MYOF: variants seen among roughly 807,000 people sequenced by gnomAD.
MYOF encodes fer-1-like 3, myoferlin.
Under a neutral mutation model 284.2 loss-of-function variants are expected in MYOF, and 244 were observed. The ratio of observed to expected loss-of-function variants is 0.86; its 90% CI spans 0.77 to 0.95. The LOEUF (loss-of-function observed/expected upper bound fraction) is 0.95. Ranked by LOEUF, MYOF falls within the 40% of genes least tolerant of loss-of-function variation. The pLI, the probability that MYOF is intolerant of heterozygous loss-of-function variation, is 0.00. For synonymous variants in MYOF, 904 were observed against 919.7 expected (o/e 0.98, Z 0.31); for missense variants, 2,496 against 2,560.6 (o/e 0.97, Z 0.54).
chr10:93,307,175 G>A (rs781728219), intron 53 of MYOF, among the ~76,000 whole-genome samples, 174 bp from the exon 54 acceptor site: 17 of 141,250 alleles, frequency 1.2e-4, no homozygotes, highest in African/African-American at 2.8e-4. Flanking sequence ...TCTACCCACC[G>A]AGTGCCAGTA....
chr10:93,333,700 G>GTGGCTGA (rs1463432453), intron 42 of MYOF, 58 bp downstream of exon 42: 2 of 1,585,002 alleles, frequency 1.3e-6, no homozygotes, highest in African/African-American at 2.7e-5. Flanking sequence ...GACAATTATT[G>GTGGCTGA]TGGCTGATGA....
chr10:93,373,273 G>A (rs1483177320), intron 23 of MYOF, among the ~76,000 whole-genome samples, 188 bp from the exon 24 acceptor site: 3 of 152,168 alleles, frequency 2.0e-5, no homozygotes, highest in Admixed American at 6.5e-5. Context: ...GGGCTGGGAG[G>A]CAGACTGTGG....
intron 51 of MYOF, 61 bp downstream of exon 51, chr10:93,312,959 G>A: frequency 6.6e-7 from 1 of 1,507,142 alleles, no homozygotes; most frequent in Non-Finnish European, 8.9e-7. Flanking sequence ...TGGATAAAGG[G>A]CAAAACCTAA....
At chr10:93,440,838 C>T (rs2056227294) in intron 3 of MYOF, among the ~76,000 whole-genome samples, 1 of 152,164 alleles carries the variant, frequency 6.6e-6, no homozygotes, top group Admixed American at 6.5e-5. Context: ...GTATCTTTCT[C>T]CAGGGCTGTG....
At chr10:93,461,266 G>C (rs751828665) in intron 1 of MYOF, among the ~76,000 whole-genome samples, 19 of 152,220 alleles carry the variant, frequency 1.2e-4, no homozygotes, top group Non-Finnish European at 4.4e-5. Flanking sequence ...CACTGAGTGA[G>C]TTCTTCCGCA....
At chr10:93,441,856 C>T (rs1207436979) in intron 3 of MYOF, among the ~76,000 whole-genome samples, 2 of 152,100 alleles carry the variant, frequency 1.3e-5, no homozygotes, top group South Asian at 2.1e-4. Context: ...AGTCACCGTG[C>T]CCGGCCGAGA....
intron 5 of MYOF, among the ~76,000 whole-genome samples, chr10:93,420,661 A>G (rs1589540589): frequency 6.6e-6 from 1 of 152,240 alleles, no homozygotes; most frequent in East Asian, 1.9e-4. Context: ...TCTCCTCTGC[A>G]GGAGCCACTA....
chr10:93,465,390 T>C (rs1026674625), intron 1 of MYOF, among the ~76,000 whole-genome samples: 3 of 152,146 alleles, frequency 2.0e-5, no homozygotes, highest in African/African-American at 7.2e-5. Context: ...CATATAAGTG[T>C]GATTACTAGG....
chr10:93,383,955 C>T (rs1296959511), intron 19 of MYOF, among the ~76,000 whole-genome samples: 1 of 152,200 alleles, frequency 6.6e-6, no homozygotes, highest in Non-Finnish European at 1.5e-5. Context: ...TGCTCTCACG[C>T]AGAGCTTGCA....
At chr10:93,368,763 C>T (rs1175136249) in intron 25 of MYOF, among the ~76,000 whole-genome samples, 5 of 152,154 alleles carry the variant, frequency 3.3e-5, no homozygotes, top group Admixed American at 6.5e-5. Context: ...CAATCCTGAA[C>T]CAGTTGTCAG....
intron 25 of MYOF, among the ~76,000 whole-genome samples, chr10:93,367,114 G>T (rs1477179350): frequency 6.6e-6 from 1 of 152,120 alleles, no homozygotes; most frequent in Admixed American, 6.5e-5. Flanking sequence ...GCCCTTATTA[G>T]ACCTAAAAGT....
intron 48 of MYOF, among the ~76,000 whole-genome samples, chr10:93,320,757 A>G (rs1473194020): frequency 6.6e-6 from 1 of 152,176 alleles, no homozygotes; most frequent in Admixed American, 6.5e-5. Context: ...ACCAGGGGGT[A>G]ACATTCGATT....
intron 31 of MYOF, among the ~76,000 whole-genome samples, chr10:93,354,666 A>ACTCTCTCTCACTCTCTCTCT (rs1554844077): frequency 2.5e-5 from 3 of 119,236 alleles, no homozygotes; most frequent in African/African-American, 6.5e-5. Context: ...TCACACATTC[A>ACTCTCTCTCACTCTCTCTCT]CTCTCTCTCT....
chr10:93,325,019 C>T (rs754097219), intron 46 of MYOF, among the ~76,000 whole-genome samples: 2 of 152,138 alleles, frequency 1.3e-5, no homozygotes, highest in Non-Finnish European at 2.9e-5. Flanking sequence ...ACTTCGTGAT[C>T]CACCTGCCTC....
chr10:93,334,037 A>C, intron 41 of MYOF, 124 bp from the exon 42 acceptor site: 1 of 878,156 alleles, frequency 1.1e-6, no homozygotes, highest in Non-Finnish European at 1.7e-6. Flanking sequence ...TTGTGAAAGA[A>C]ATAATGTATA....
At chr10:93,395,702 C>A (rs1408618127) in intron 16 of MYOF, among the ~76,000 whole-genome samples, 3 of 151,714 alleles carry the variant, frequency 2.0e-5, no homozygotes, top group East Asian at 3.9e-4. Context: ...TGGCATCTGA[C>A]CTTACTGTTC....
rs147909704 is a variant in MYOF, at chr10:93,404,209, T to C, written c.740A>G (p.Tyr247Cys). ...TTCAGAAGGGGTCATGTTGACATTG[T>C]AGAAAAACAACTGCCAAAACAATAG... is the stretch of plus-strand genomic sequence containing the variant. ...NNPFFDELFF[Y>C]NVNMTPSELM... Residue 247 changes from tyrosine to cysteine, a missense_variant, in exon 8 of 54, where the codon TAC (tyrosine) becomes TGC (cysteine). Physicochemically the swap from Tyr to Cys is radical, Grantham distance 194. This residue lies in a region of MYOF where 2,436 missense variants were observed against 2,480.7 expected (regional missense o/e 0.98). Coordinates refer to ENST00000359263, the MANE Select transcript of MYOF (RefSeq NM_013451.4). 70 of 1,614,080 alleles carry C rather than the reference T, an allele frequency of 4.3e-5. No homozygotes were observed. The African/African-American group carries it at 6.4e-4, about 15-fold the overall frequency.
chr10:93,437,250 G>T (rs949660595), intron 3 of MYOF, among the ~76,000 whole-genome samples: 1 of 150,398 alleles, frequency 6.6e-6, no homozygotes, highest in African/African-American at 2.4e-5. Flanking sequence ...GTTAAGAGCC[G>T]CTTAAACTGT....
chr10:93,371,842 T>C (rs1401939975), intron 24 of MYOF, among the ~76,000 whole-genome samples: 1 of 152,120 alleles, frequency 6.6e-6, no homozygotes, highest in East Asian at 1.9e-4. Context: ...TACAAAACAT[T>C]CTCTTAAAAG....
Sources: allele counts gnomAD v4.1 joint callset (sites outside exome capture counted in the v4.1 genomes callset), GRCh38; gene constraint gnomAD v4.1.1; regional missense constraint gnomAD v4.1.1; transcripts MANE v1.5; gene names NCBI Gene and HGNC (gene_info 2026-07-23, HGNC 2026-07-21).